GRID2: variants seen among roughly 807,000 people sequenced by gnomAD.
GRID2 encodes glutamate receptor ionotropic, delta-2.
In GRID2, 33 loss-of-function variants were observed where a neutral mutation model predicts 114.8. The ratio of observed to expected loss-of-function variants is 0.29; its 90% CI spans 0.22 to 0.38. The LOEUF (loss-of-function observed/expected upper bound fraction) is 0.38, where lower values mean the gene tolerates loss of function less well. GRID2 is among the 10% of genes least tolerant of loss of function. The pLI is 1.00. For missense variants in GRID2, 1,184 were observed against 1,257.7 expected, an observed-to-expected ratio of 0.94 and a Z score of 0.89; for synonymous variants, 505 against 449.9, an observed-to-expected ratio of 1.12 and a Z score of -1.55.
At chr4:92,444,588 C>A (rs78936037) in intron 1 of GRID2, among the ~76,000 whole-genome samples, 5 of 152,218 alleles carry the variant, frequency 3.3e-5, no homozygotes, top group African/African-American at 1.2e-4. Context: ...TTACTTTAGG[C>A]CATCTGGGAG....
chr4:93,538,969 A>G (rs1732383219), intron 13 of GRID2, among the ~76,000 whole-genome samples: 1 of 151,880 alleles, frequency 6.6e-6, no homozygotes, highest in Non-Finnish European at 1.5e-5. Context: ...CAGTTTTTAC[A>G]AATGTACCAT....
intron 2 of GRID2, chr4:92,702,395 A>G (rs1454475768): frequency 6.6e-6 from 1 of 151,754 alleles, no homozygotes; most frequent in African/African-American, 2.4e-5. Flanking sequence ...CTGCCGTAAC[A>G]TTCCCTACAC....
rs191523986 is a variant in GRID2 at position 93,256,991 on chromosome 4, A to G, written c.1245+18501A>G. On this transcript the variant is annotated intron_variant, in intron 8 of 15. Transcript: ENST00000282020. ...TAGTTTTATTAAAGCATCTAATTTAATATTATTTGCTTATTTTTTGATGCA... is the reference window on the plus strand; with the variant it reads ...TAGTTTTATTAAAGCATCTAATTTAGTATTATTTGCTTATTTTTTGATGCA... Among the ~76,000 whole-genome samples the G allele has an allele frequency of 1.2e-3, 178 of 152,012 alleles. 3 individuals carry two copies. The highest frequency in any genetic ancestry group is 4.2e-3 in the African/African-American group (175 of 41,542).
chr4:92,649,575 G>T (rs1037893979), intron 2 of GRID2, among the ~76,000 whole-genome samples: 3 of 151,888 alleles, frequency 2.0e-5, no homozygotes, highest in Admixed American at 6.6e-5. Context: ...AGCTATCTGG[G>T]CATTGCTTGG....
intron 1 of GRID2, among the ~76,000 whole-genome samples, chr4:92,449,710 T>TATATATATATATAAA (rs1266661271): frequency 7.6e-6 from 1 of 131,722 alleles, no homozygotes; most frequent in African/African-American, 2.9e-5. Context: ...TATATATATA[T>TATATATATATATAAA]AACACTTAAG....
chr4:92,634,291 T>A (rs1730957174), intron 2 of GRID2, among the ~76,000 whole-genome samples: 1 of 152,144 alleles, frequency 6.6e-6, no homozygotes, highest in African/African-American at 2.4e-5. Flanking sequence ...AATTTGAACT[T>A]TTAATGTTTT....
intron 1 of GRID2, among the ~76,000 whole-genome samples, chr4:92,325,874 T>C (rs1014373719): frequency 1.3e-5 from 2 of 151,848 alleles, no homozygotes; most frequent in African/African-American, 4.8e-5. Context: ...GTTTCAGCAA[T>C]CAATTCTTAA....
intron 1 of GRID2, among the ~76,000 whole-genome samples, chr4:92,553,677 A>T (rs1054309299): frequency 1.3e-5 from 2 of 150,638 alleles, no homozygotes; most frequent in African/African-American, 4.8e-5. Context: ...ATTTTTAGAC[A>T]GTCTCTCTCT....
chr4:93,529,660 T>C (rs759034748), intron 13 of GRID2, among the ~76,000 whole-genome samples: 5 of 152,248 alleles, frequency 3.3e-5, no homozygotes, highest in South Asian at 4.1e-4. Flanking sequence ...CCCTAACTGA[T>C]ACTGCCAAGA....
chr4:93,526,386 G>T (rs909055476), intron 13 of GRID2, among the ~76,000 whole-genome samples: 128 of 152,172 alleles, frequency 8.4e-4, no homozygotes, highest in African/African-American at 2.9e-3. Context: ...CCAGTCTCAG[G>T]CATTTCTTTA....
At chr4:93,093,145 A>G (rs948707068) in intron 3 of GRID2, among the ~76,000 whole-genome samples, 2 of 152,054 alleles carry the variant, frequency 1.3e-5, no homozygotes, top group African/African-American at 2.4e-5. Flanking sequence ...TTTGATGTGC[A>G]TGCTTGTTGG....
intron 1 of GRID2, among the ~76,000 whole-genome samples, chr4:92,357,857 AC>A (rs1383152036): frequency 6.6e-6 from 1 of 151,898 alleles, no homozygotes; most frequent in Non-Finnish European, 1.5e-5. Flanking sequence ...CTCCTTCTGG[AC>A]CTCTATTAAG....
At chr4:92,982,283 C>T (rs1754269561) in intron 2 of GRID2, among the ~76,000 whole-genome samples, 2 of 151,788 alleles carry the variant, frequency 1.3e-5, no homozygotes. Context: ...TGTGATGTTG[C>T]AAAGTATATA....
At chr4:92,445,668 TG>T (rs1733419648) in intron 1 of GRID2, among the ~76,000 whole-genome samples, 2 of 152,126 alleles carry the variant, frequency 1.3e-5, no homozygotes, top group African/African-American at 4.8e-5. Flanking sequence ...GAACAAGCCA[TG>T]GGAAGAGGTC....
rs183613907 is a variant in GRID2 at position 93,186,352 on chromosome 4, C to A, written c.736-21052C>A. ...CACAATGGTTGAACTAGTTTATACT[C>A]CCACCAATAGTGTAAAAGCGTTCCT... On this transcript the variant is annotated intron_variant, in intron 4 of 15. Transcript: ENST00000282020. Among the ~76,000 whole-genome samples, 5 of 152,256 alleles carry A rather than the reference C, an allele frequency of 3.3e-5. No individual in the cohort carries two copies. The East Asian group carries it at 5.8e-4, about 18-fold the overall frequency.
intron 1 of GRID2, among the ~76,000 whole-genome samples, chr4:92,431,176 A>AT (rs1732421056): frequency 6.6e-6 from 1 of 152,190 alleles, no homozygotes; most frequent in Admixed American, 6.5e-5. Context: ...CATCCTTGTC[A>AT]TATTCCAGAT....
chr4:92,632,727 GGGAA>G (rs1331617151), intron 2 of GRID2, among the ~76,000 whole-genome samples: 2 of 151,604 alleles, frequency 1.3e-5, no homozygotes, highest in Non-Finnish European at 1.5e-5. Context: ...AGTGAAGAAA[GGGAA>G]GGAAGGGAAG....
intron 1 of GRID2, among the ~76,000 whole-genome samples, chr4:93,787,535 T>C (rs1200385766): frequency 6.6e-6 from 1 of 151,978 alleles, no homozygotes; most frequent in Non-Finnish European, 1.5e-5. Context: ...TCCCCTAACA[T>C]CCCCCATTTA....
chr4:92,607,207 G>T (rs1162224661), intron 2 of GRID2, among the ~76,000 whole-genome samples: 1 of 151,940 alleles, frequency 6.6e-6, no homozygotes, highest in Admixed American at 6.6e-5. Flanking sequence ...GGAACACTAG[G>T]CATAAGTGGG....
Sources: gnomAD v4.1 joint callset for allele counts (sites outside exome capture counted in the v4.1 genomes callset) on GRCh38, gnomAD v4.1.1 for gene constraint, MANE v1.5 for transcripts, NCBI Gene and HGNC (gene_info 2026-07-23, HGNC 2026-07-21) for gene names.